DNER: variants seen among roughly 807,000 people sequenced by gnomAD.
DNER encodes the protein delta/notch like EGF repeat containing.
In DNER, 33 loss-of-function variants were observed where a neutral mutation model predicts 78.2. The ratio of observed to expected loss-of-function variants is 0.42; its 90% CI spans 0.32 to 0.56. DNER has a LOEUF of 0.56. DNER is among the 20% of genes least tolerant of loss of function. The pLI is 0.11. For missense variants in DNER, 918 were observed against 975.3 expected, an observed-to-expected ratio of 0.94 and a Z score of 0.78; for synonymous variants, 417 against 384.8, an observed-to-expected ratio of 1.08 and a Z score of -0.98.
intron 1 of DNER, among the ~76,000 whole-genome samples, chr2:229,689,261 G>A (rs1247682211): frequency 6.6e-6 from 1 of 152,154 alleles, no homozygotes; most frequent in African/African-American, 2.4e-5. Flanking sequence ...CTGGGTTAAA[G>A]GTGTCTTCTT....
At chr2:229,651,456 A>C (rs77879123) in intron 1 of DNER, among the ~76,000 whole-genome samples, 2,120 of 152,082 alleles carry the variant, frequency 0.014, 50 homozygotes, top group African/African-American at 0.048. Flanking sequence ...CCCTGGAATC[A>C]CTCTCTTTTT....
chr2:229,487,084 A>T (rs1019321402), intron 6 of DNER, among the ~76,000 whole-genome samples: 4 of 152,232 alleles, frequency 2.6e-5, no homozygotes, highest in Admixed American at 1.3e-4. Flanking sequence ...ATCAGAGGCC[A>T]ATGGGTGAAA....
intron 5 of DNER, among the ~76,000 whole-genome samples, chr2:229,538,349 C>T (rs775079330): frequency 6.6e-6 from 1 of 152,074 alleles, no homozygotes; most frequent in African/African-American, 2.4e-5. Flanking sequence ...AAGGGTTTCC[C>T]TCATCTCTTA....
At chr2:229,456,634 T>C (rs1694580251) in intron 7 of DNER, among the ~76,000 whole-genome samples, 1 of 152,054 alleles carries the variant, frequency 6.6e-6, no homozygotes, top group Admixed American at 6.5e-5. Context: ...GATGACCTTC[T>C]GAATAACAGA....
intron 7 of DNER, among the ~76,000 whole-genome samples, chr2:229,469,021 A>C (rs1694865522): frequency 6.6e-6 from 1 of 152,210 alleles, no homozygotes; most frequent in Non-Finnish European, 1.5e-5. Context: ...CATTTACTTC[A>C]GTGAACATTG....
At chr2:229,456,522 A>G (rs1219224766) in intron 7 of DNER, among the ~76,000 whole-genome samples, 2 of 151,852 alleles carry the variant, frequency 1.3e-5, no homozygotes, top group Non-Finnish European at 2.9e-5. Flanking sequence ...TTGTCCTAAC[A>G]TCCATCTCTC....
At chr2:229,367,923 C>T (rs1339827130) in intron 11 of DNER, among the ~76,000 whole-genome samples, 1 of 152,160 alleles carries the variant, frequency 6.6e-6, no homozygotes, top group Non-Finnish European at 1.5e-5. Flanking sequence ...ATCTTCATAT[C>T]ACAATTTTTC....
At chr2:229,585,790 G>C (rs1697484288) in intron 4 of DNER, 68 bp downstream of exon 4, 13 of 1,571,278 alleles carry the variant, frequency 8.3e-6, no homozygotes, top group African/African-American at 2.7e-5. Context: ...CCTACCTACT[G>C]TCTCAACACC....
intron 8 of DNER, among the ~76,000 whole-genome samples, chr2:229,446,556 G>T (rs73101878): frequency 2.0e-5 from 3 of 152,096 alleles, no homozygotes; most frequent in Non-Finnish European, 2.9e-5. Context: ...GATTCATTGT[G>T]CTGGGAAGCT....
intron 10 of DNER, among the ~76,000 whole-genome samples, chr2:229,398,274 T>C (rs942647925): frequency 7.2e-5 from 11 of 152,078 alleles, no homozygotes; most frequent in Non-Finnish European, 1.5e-4. Flanking sequence ...AAAAATGCAC[T>C]ACTTCCTCAA....
chr2:229,611,194 A>T (rs1698038834), intron 1 of DNER, among the ~76,000 whole-genome samples: 1 of 152,198 alleles, frequency 6.6e-6, no homozygotes, highest in Non-Finnish European at 1.5e-5. Flanking sequence ...AAGTAAATGT[A>T]TTTTTTTCTT....
At chr2:229,360,462 GT>G (rs1692186407) in intron 12 of DNER, among the ~76,000 whole-genome samples, 1 of 152,144 alleles carries the variant, frequency 6.6e-6, no homozygotes, top group Admixed American at 6.5e-5. Context: ...CCAGGCTGGA[GT>G]GCAGTGGCGT....
At chr2:229,468,261 G>A (rs1180396400) in intron 7 of DNER, among the ~76,000 whole-genome samples, 2 of 152,192 alleles carry the variant, frequency 1.3e-5, no homozygotes, top group Non-Finnish European at 2.9e-5. Flanking sequence ...CCCCTTTCTT[G>A]CCTAGGGAAC....
intron 4 of DNER, among the ~76,000 whole-genome samples, chr2:229,569,651 T>C (rs1487886926): frequency 3.3e-5 from 5 of 152,244 alleles, no homozygotes; most frequent in East Asian, 1.9e-4. Context: ...TAATACCTAA[T>C]AGAAGGTCAA....
At chr2:229,618,838 C>G (rs115829433) in intron 1 of DNER, among the ~76,000 whole-genome samples, 135 of 152,176 alleles carry the variant, frequency 8.9e-4, no homozygotes, top group African/African-American at 3.2e-3. Flanking sequence ...CCTCATGACT[C>G]AATCAAAATT....
At chr2:229,556,341 C>A (rs1559165926) in intron 4 of DNER, among the ~76,000 whole-genome samples, 1 of 152,214 alleles carries the variant, frequency 6.6e-6, no homozygotes, top group Non-Finnish European at 1.5e-5. Flanking sequence ...CAAAAGTTTG[C>A]AGGAGCTTTT....
intron 9 of DNER, among the ~76,000 whole-genome samples, chr2:229,410,138 T>G (rs1462636655): frequency 6.6e-6 from 1 of 152,144 alleles, no homozygotes; most frequent in African/African-American, 2.4e-5. Context: ...TTCGCATATT[T>G]AACTAATCTC....
intron 1 of DNER, among the ~76,000 whole-genome samples, chr2:229,703,549 T>C (rs971865511): frequency 6.6e-6 from 1 of 152,190 alleles, no homozygotes; most frequent in African/African-American, 2.4e-5. Context: ...TCAGACTTCA[T>C]TGGTCTCTAA....
At chr2:229,520,999 T>C (rs982812745) in intron 5 of DNER, among the ~76,000 whole-genome samples, 2 of 152,206 alleles carry the variant, frequency 1.3e-5, no homozygotes, top group African/African-American at 2.4e-5. Flanking sequence ...GCTTCCCCAG[T>C]GTACTGGGGT....
Sources: allele counts gnomAD v4.1 joint callset (sites outside exome capture counted in the v4.1 genomes callset), GRCh38; gene constraint gnomAD v4.1.1; transcripts MANE v1.5; gene names NCBI Gene and HGNC (gene_info 2026-07-23, HGNC 2026-07-21).